Variants in GARS1 observed in about 807,000 individuals in gnomAD.
GARS1 encodes the protein glycine--tRNA ligase.
Under a neutral mutation model 86.4 loss-of-function variants are expected in GARS1, and 46 were observed. The observed-to-expected ratio is 0.53, with a 90% confidence interval of 0.42 to 0.68. The LOEUF (loss-of-function observed/expected upper bound fraction) is 0.68, where lower values mean the gene tolerates loss of function less well. Ranked by LOEUF, GARS1 falls within the 30% of genes least tolerant of loss-of-function variation. GARS1 has a pLI of 0.00. For synonymous variants in GARS1, 342 were observed against 329.8 expected (o/e 1.04, Z -0.40); for missense variants, 797 against 915.6 (o/e 0.87, Z 1.67).
chr7:30,600,029 A>G lies in GARS1; in HGVS notation c.407A>G (p.Gln136Arg). Residue 136 changes from glutamine (Q) to arginine (R), a missense_variant, in exon 3 of 17, where the codon CAA (glutamine) becomes CGA (arginine). Gln to Arg is a conservative substitution (Grantham distance 43, BLOSUM62 1). Transcript: ENST00000389266. The part of the protein sequence containing the change: ...DTLKRRFFYD[Q>R]AFAIYGGVSG... ...CTGAAGAGGAGGTTTTTCTATGATC[A>G]AGCTTTTGCTATTTATGGAGGTAAG... 1 of 1,613,066 alleles carries G rather than the reference A, an allele frequency of 6.2e-7. No homozygotes were observed. The highest frequency in any genetic ancestry group is 1.1e-5 in the South Asian group (1 of 91,068).
At chr7:30,614,768 C>T (rs1328239005) in intron 8 of GARS1, among the ~76,000 whole-genome samples, 5 of 149,128 alleles carry the variant, frequency 3.4e-5, no homozygotes, top group South Asian at 2.1e-4. Context: ...CCCAGCTACT[C>T]GGGAGGCTGA....
chr7:30,594,784 G>A, upstream of GARS1: 1 of 719,830 alleles, frequency 1.4e-6, no homozygotes, highest in East Asian at 2.9e-5. Context: ...CGGCGACCCG[G>A]CGCCGCGTCA....
At chr7:30,612,390 G>A in intron 8 of GARS1, 145 bp downstream of exon 8, 5 of 857,156 alleles carry the variant, frequency 5.8e-6, no homozygotes, top group South Asian at 1.5e-5. Flanking sequence ...TTTTACATTT[G>A]GAATCTCTAA....
intron 10 of GARS1, among the ~76,000 whole-genome samples, chr7:30,619,192 T>C (rs1367811904): frequency 1.3e-5 from 2 of 152,168 alleles, no homozygotes; most frequent in Non-Finnish European, 2.9e-5. Context: ...TTAACAGTTA[T>C]GCTGTACTGC....
intron 13 of GARS1, among the ~76,000 whole-genome samples, chr7:30,627,675 T>C (rs1783153819): frequency 6.6e-6 from 1 of 152,238 alleles, no homozygotes; most frequent in African/African-American, 2.4e-5. Flanking sequence ...TGGAGTGCTG[T>C]TCTTTGAGCA....
chr7:30,604,470 T>A (rs531745319), intron 6 of GARS1, among the ~76,000 whole-genome samples: 1 of 152,322 alleles, frequency 6.6e-6, no homozygotes, highest in African/African-American at 2.4e-5. Context: ...AACTCCCTAA[T>A]ATGTTGTTTT....
chr7:30,632,501 G>A lies in GARS1; in HGVS notation c.2094+64G>A. 6.5e-7 allele frequency: 1 copy of A among 1,549,798 alleles called. No individual in the cohort carries two copies. On this transcript the variant is annotated intron_variant, in intron 16 of 16. Coordinates refer to ENST00000389266, the MANE Select transcript of GARS1 (RefSeq NM_002047.4). This position sits in a 1 kb window ranked among gnomAD's most constrained non-coding sequence, Gnocchi z 4.1. Reference sequence around the variant, plus strand: ...TGTGTACTGCTTCTTACTGATTTGTGTTGGATTTTGATGTGTTTATGCTCC... The same window carrying A: ...TGTGTACTGCTTCTTACTGATTTGTATTGGATTTTGATGTGTTTATGCTCC...
intron 8 of GARS1, among the ~76,000 whole-genome samples, chr7:30,612,984 C>T (rs1187653564): frequency 2.6e-5 from 4 of 152,110 alleles, no homozygotes; most frequent in African/African-American, 4.8e-5. Flanking sequence ...ATATAAAATA[C>T]GAGGTGTAGC....
At chr7:30,622,245 G>A (rs1275610123) in intron 11 of GARS1, 72 bp from the exon 12 acceptor site, 4 of 1,573,258 alleles carry the variant, frequency 2.5e-6, no homozygotes, top group Non-Finnish European at 3.5e-6. Flanking sequence ...GTTGATGATT[G>A]ATTGTTCTCA....
intron 13 of GARS1, chr7:30,627,178 G>T: frequency 2.4e-6 from 1 of 409,498 alleles, no homozygotes. Flanking sequence ...AGAAGCTACT[G>T]CCAGTGGAAA....
At chr7:30,622,612 G>C in intron 12 of GARS1, 150 bp downstream of exon 12, 1 of 925,420 alleles carries the variant, frequency 1.1e-6, no homozygotes, top group Non-Finnish European at 1.7e-6. Flanking sequence ...CCGAGATTTT[G>C]GCATTATAGC....
intron 6 of GARS1, among the ~76,000 whole-genome samples, chr7:30,603,930 A>C (rs1282262610): frequency 6.6e-6 from 1 of 152,116 alleles, no homozygotes; most frequent in African/African-American, 2.4e-5. Context: ...GCACTTTCTC[A>C]CTGGCTACTT....
rs766071602 is a variant in GARS1, at chr7:30,623,239, GAAGTA to G, written c.1613+782_1613+786del. On this transcript the variant is annotated intron_variant, in intron 12 of 16. Coordinates refer to ENST00000389266, the MANE Select transcript of GARS1 (RefSeq NM_002047.4). ...TATATATGAAAAAGCAGGAAAATGA[GAAGTA>G]AAGTCAGTCAAAAGAAACACCCAGA... Among the ~76,000 whole-genome samples the G allele has an allele frequency of 5.2e-4, 78 of 151,384 alleles. 2 individuals are homozygous for G. In the Middle Eastern group the frequency reaches 0.014, roughly 27 times the overall value.
intron 4 of GARS1, among the ~76,000 whole-genome samples, chr7:30,602,197 T>G (rs1417802087): frequency 6.6e-6 from 1 of 152,090 alleles, no homozygotes; most frequent in Non-Finnish European, 1.5e-5. Context: ...CACGCCATTC[T>G]CTTGCCTCAG....
chr7:30,602,240 C>G (rs1791394936), intron 4 of GARS1, among the ~76,000 whole-genome samples: 1 of 151,896 alleles, frequency 6.6e-6, no homozygotes, highest in Non-Finnish European at 1.5e-5. Flanking sequence ...AGGCACCTGC[C>G]ACCGTGCCTG....
intron 14 of GARS1, among the ~76,000 whole-genome samples, chr7:30,629,265 G>C (rs1410072978): frequency 6.6e-6 from 1 of 152,102 alleles, no homozygotes; most frequent in Non-Finnish European, 1.5e-5. Context: ...AGTTGTCTGG[G>C]GTATAGCCTT....
At chr7:30,633,341 G>T (rs905980731) in intron 16 of GARS1, among the ~76,000 whole-genome samples, 1 of 152,202 alleles carries the variant, frequency 6.6e-6, no homozygotes, top group Non-Finnish European at 1.5e-5. Context: ...TGATTCTGAC[G>T]TGCACTCAAG....
Position 30,633,701 on chromosome 7 carries a change from G to C in GARS1, c.2095-34G>C, listed in dbSNP as rs1284919110. ...TTCTTCTTAAAAATCTGAACAAGTT[G>C]GTTGATACTTGGCTTCTCTTTCCTT... On this transcript the variant is annotated intron_variant, in intron 16 of 16. Coordinates refer to ENST00000389266, the MANE Select transcript of GARS1 (RefSeq NM_002047.4). 2.5e-6 allele frequency: 4 copies of C among 1,611,098 alleles called. No homozygotes were observed. The African/African-American group carries it at 5.3e-5, about 22-fold the overall frequency.
intron 13 of GARS1, chr7:30,627,083 G>C (rs1783144200): frequency 2.1e-6 from 1 of 466,564 alleles, no homozygotes. Context: ...TAGGCAATGA[G>C]TAATTTGGAG....
Sources: gnomAD v4.1 joint callset for allele counts (sites outside exome capture counted in the v4.1 genomes callset) on GRCh38, gnomAD v4.1.1 for gene constraint, Gnocchi (gnomAD v3.1) non-coding constraint, MANE v1.5 for transcripts, NCBI Gene and HGNC (gene_info 2026-07-23, HGNC 2026-07-21) for gene names.